Variants in VAV2 observed in about 807,000 individuals in gnomAD.
VAV2 encodes guanine nucleotide exchange factor VAV2.
Under a neutral mutation model 132.5 loss-of-function variants are expected in VAV2, and 67 were observed. The observed-to-expected ratio is 0.51, with a 90% CI of 0.42 to 0.62. The LOEUF is 0.62. Among genes scored for constraint, VAV2 ranks in the 20% least tolerant of loss-of-function variants. VAV2 has a pLI of 0.00. For missense variants in VAV2, 938 were observed against 1,153.6 expected (o/e 0.81, Z 2.71); for synonymous variants, 492 against 443.5 (o/e 1.11, Z -1.37).
In VAV2 at chr9:133,853,783, C is replaced by T. The variant is rs1489714218; in HGVS notation, c.380+7591G>A. Among the ~76,000 whole-genome samples the T allele has an allele frequency of 5.9e-5, 9 of 152,196 alleles. No individual in the cohort carries two copies. The South Asian group carries it at 1.2e-3, about 21-fold the overall frequency. ...GCCAACACTGCCCAGACAGGACAGC[C>T]GAGCACCCTCCCTTCACCTGTCCTC... On this transcript the variant is annotated intron_variant, in intron 3 of 29. Transcript: ENST00000371850.
At chr9:133,816,931 G>A (rs1835582856) in intron 4 of VAV2, among the ~76,000 whole-genome samples, 1 of 152,128 alleles carries the variant, frequency 6.6e-6, no homozygotes, top group South Asian at 2.1e-4. Flanking sequence ...TGTAAATCTA[G>A]CTTTGTTCTT....
In VAV2 at chr9:133,788,773, G is replaced by C. The variant is rs1834337421; in HGVS notation, c.1275-287C>G. On this transcript the variant is annotated intron_variant, in intron 14 of 29. Transcript: ENST00000371850. This position sits in a 1 kb window ranked among gnomAD's most constrained non-coding sequence, Gnocchi z 5.3. ...CCACGCTGGCCTCCCATGCAGCACT[G>C]ACCCCCGACGGCTACTCCCAGTTGA... is the stretch of plus-strand genomic sequence containing the variant. 6.6e-6 allele frequency among the ~76,000 whole-genome samples: 1 copy of C among 152,124 alleles called. No individual in the cohort carries two copies.
chr9:133,943,346 C>T (rs1163457086), intron 1 of VAV2, among the ~76,000 whole-genome samples: 4 of 152,272 alleles, frequency 2.6e-5, no homozygotes, highest in East Asian at 3.9e-4. Context: ...GGACACAGGC[C>T]GAGGGACAGT....
chr9:133,807,356 CT>C, intron 7 of VAV2, 30 bp from the exon 8 acceptor site: 1 of 1,581,334 alleles, frequency 6.3e-7, no homozygotes, highest in Non-Finnish European at 8.6e-7. Flanking sequence ...CTCTGCCACC[CT>C]GCTGCTGTTG....
intron 2 of VAV2, among the ~76,000 whole-genome samples, chr9:133,869,070 C>T (rs759638317): frequency 6.6e-6 from 1 of 151,968 alleles, no homozygotes; most frequent in Non-Finnish European, 1.5e-5. Context: ...CATCTCCGCC[C>T]GCTGCAACCT....
At chr9:133,878,213 C>T (rs559299332) in intron 2 of VAV2, among the ~76,000 whole-genome samples, 1 of 152,336 alleles carries the variant, frequency 6.6e-6, no homozygotes, top group Admixed American at 6.5e-5. Context: ...TGACATGTGG[C>T]AGCCAGGGGA....
At chr9:133,964,460 A>G (rs1466210808) in intron 1 of VAV2, among the ~76,000 whole-genome samples, 2 of 152,170 alleles carry the variant, frequency 1.3e-5, no homozygotes, top group Non-Finnish European at 2.9e-5. Flanking sequence ...ATAATTTTGC[A>G]TGCGTATGCT....
intron 6 of VAV2, among the ~76,000 whole-genome samples, chr9:133,809,617 G>A (rs1459081042): frequency 6.6e-6 from 1 of 152,224 alleles, no homozygotes; most frequent in East Asian, 1.9e-4. Context: ...CCACCTGCAG[G>A]CTGGACTCTT....
chr9:133,954,381 C>CG (rs1355687811), intron 1 of VAV2, among the ~76,000 whole-genome samples: 2 of 152,244 alleles, frequency 1.3e-5, no homozygotes, highest in Non-Finnish European at 2.9e-5. Context: ...GGAGCAAGTG[C>CG]GCGTGAGACG....
At chr9:133,915,672 A>ACT (rs1840050277) in intron 2 of VAV2, among the ~76,000 whole-genome samples, 1 of 150,972 alleles carries the variant, frequency 6.6e-6, no homozygotes, top group African/African-American at 2.4e-5. Flanking sequence ...ACACATGCAC[A>ACT]CACACACAAT....
intron 14 of VAV2, among the ~76,000 whole-genome samples, chr9:133,789,046 G>A (rs1834346865): frequency 6.6e-6 from 1 of 152,242 alleles, no homozygotes; most frequent in African/African-American, 2.4e-5. Flanking sequence ...CCAGCCTGGT[G>A]CCCGCCACAG....
At chr9:133,974,726 G>A (rs535261718) in intron 1 of VAV2, among the ~76,000 whole-genome samples, 1 of 152,048 alleles carries the variant, frequency 6.6e-6, no homozygotes, top group South Asian at 2.1e-4. Context: ...CACACTCCCT[G>A]CGCCCTGCAC....
chr9:133,829,510 C>A (rs1230758129), intron 4 of VAV2, among the ~76,000 whole-genome samples: 1 of 152,254 alleles, frequency 6.6e-6, no homozygotes, highest in Non-Finnish European at 1.5e-5. Flanking sequence ...CAAGTGCGAG[C>A]TCCATAAGCC....
At position 133,778,440 on chromosome 9, in the gene VAV2, A is replaced by G. The variant is rs548527441; in HGVS notation, c.1890+322T>C. Among the ~76,000 whole-genome samples, 10 of 152,302 alleles carry G rather than the reference A, an allele frequency of 6.6e-5. No individual in the cohort carries two copies. In the East Asian group the frequency reaches 1.9e-3, roughly 29 times the overall value. On this transcript the variant is annotated intron_variant, in intron 22 of 29. Coordinates refer to ENST00000371850, the MANE Select transcript of VAV2 (RefSeq NM_001134398.2). ...AGGGCCTATGAGACACAACAGAGGC[A>G]GGAAGGACAGAGGACAATGGAGAAA...
rs1835875327 is a variant in VAV2, at chr9:133,823,580, TC to T, written c.449+10691del. On this transcript the variant is annotated intron_variant, in intron 4 of 29. Transcript: ENST00000371850. The surrounding 1 kb of genome is among the most constrained non-coding windows in gnomAD (Gnocchi z 5.5). ...GGAGAAGTCTTCCTCTTCCTGGAGTTCCAGAACAGCACGAGGAGGGCGATTT... is the reference window on the plus strand; with the variant it reads ...GGAGAAGTCTTCCTCTTCCTGGAGTTCAGAACAGCACGAGGAGGGCGATTT... Among the ~76,000 whole-genome samples the T allele has an allele frequency of 6.6e-6, 1 of 152,170 alleles. No homozygotes were observed. Among genetic ancestry groups the T allele is most frequent in the South Asian group, 2.1e-4 (1 of 4,824 alleles).
Position 133,912,449 on chromosome 9 carries a change from C to T in VAV2, c.321+26654G>A, listed in dbSNP as rs78583824. ...ATGAAGGAACCAGGACGCAGTGGCGCTTTTCCATCTGTACCCCAACATGTC... is the reference window on the plus strand; with the variant it reads ...ATGAAGGAACCAGGACGCAGTGGCGTTTTTCCATCTGTACCCCAACATGTC... On this transcript the variant is annotated intron_variant, in intron 2 of 29. Coordinates refer to ENST00000371850, the MANE Select transcript of VAV2 (RefSeq NM_001134398.2). The surrounding 1 kb of genome is among the most constrained non-coding windows in gnomAD (Gnocchi z 4.3). Among the ~76,000 whole-genome samples the T allele has an allele frequency of 2.0e-5, 3 of 152,150 alleles. No homozygotes were observed. The highest frequency in any genetic ancestry group is 2.0e-4 in the Admixed American group (3 of 15,272).
intron 20 of VAV2, among the ~76,000 whole-genome samples, chr9:133,780,427 C>T (rs1833967056): frequency 6.6e-6 from 1 of 152,136 alleles, no homozygotes; most frequent in African/African-American, 2.4e-5. Context: ...GGTGCAGGTC[C>T]CAGAGCTGTA....
At chr9:133,862,941 C>A (rs929579871) in intron 2 of VAV2, among the ~76,000 whole-genome samples, 1 of 152,194 alleles carries the variant, frequency 6.6e-6, no homozygotes, top group Non-Finnish European at 1.5e-5. Flanking sequence ...CCTTCCTGTA[C>A]GTGCTCGTGA....
At chr9:133,796,702 G>C (rs41302911) in intron 10 of VAV2, among the ~76,000 whole-genome samples, 178 bp from the exon 11 acceptor site, 24 of 152,100 alleles carry the variant, frequency 1.6e-4, no homozygotes, top group African/African-American at 5.6e-4. Flanking sequence ...CAGAGGGGGG[G>C]GCTTCACAAC....
Sources: allele counts gnomAD v4.1 joint callset (sites outside exome capture counted in the v4.1 genomes callset), GRCh38; gene constraint gnomAD v4.1.1; non-coding constraint Gnocchi (gnomAD v3.1); transcripts MANE v1.5; gene names NCBI Gene and HGNC (gene_info 2026-07-23, HGNC 2026-07-21).